The following FHIT variants were observed in gnomAD, a reference collection of about 807,000 sequenced individuals.
FHIT encodes the protein fragile histidine triad diadenosine triphosphatase.
FHIT carries 19 observed loss-of-function variants against 17.9 expected under a neutral mutation model. That is an observed-to-expected ratio of 1.06 (90% CI 0.74 to 1.56). The LOEUF (loss-of-function observed/expected upper bound fraction) is 1.56. FHIT is among the 40% of genes most tolerant of loss of function. FHIT has a pLI of 0.00. For missense variants in FHIT, 248 were observed against 189.2 expected, an observed-to-expected ratio of 1.31 and a Z score of -1.82; for synonymous variants, 81 against 69.7, an observed-to-expected ratio of 1.16 and a Z score of -0.81.
intron 7 of FHIT, among the ~76,000 whole-genome samples, chr3:60,000,014 T>A (rs942064822): frequency 1.3e-5 from 2 of 152,186 alleles, no homozygotes; most frequent in African/African-American, 4.8e-5. Flanking sequence ...CTCTGCCATG[T>A]CAGCCTCAGC....
intron 5 of FHIT, among the ~76,000 whole-genome samples, chr3:60,419,271 C>T (rs13059601): frequency 0.14 from 20,642 of 152,208 alleles, 2,143 homozygotes; most frequent in Admixed American, 0.25. Flanking sequence ...ATAGCACATG[C>T]CTTAGCAAGT....
intron 3 of FHIT, among the ~76,000 whole-genome samples, chr3:61,018,287 G>C (rs2032223506): frequency 6.6e-6 from 1 of 152,158 alleles, no homozygotes; most frequent in African/African-American, 2.4e-5. Context: ...CAAGGAAAAA[G>C]AAAGAGTTTT....
rs143425592 is a variant in FHIT, at chr3:60,824,364, G to A, written c.-110-2353C>T. 1.6e-4 allele frequency among the ~76,000 whole-genome samples: 25 copies of A among 152,184 alleles called. No individual in the cohort carries two copies. In the East Asian group the frequency reaches 2.5e-3, roughly 15 times the overall value. ...AGTACATAGAATTAAATTAGAAACC[G>A]TAACAACTTAACTGTACTGATCATC... On this transcript the variant is annotated intron_variant, in intron 3 of 9. Coordinates refer to ENST00000492590, the MANE Select transcript of FHIT (RefSeq NM_002012.4).
intron 5 of FHIT, among the ~76,000 whole-genome samples, chr3:60,315,492 A>G (rs1709124080): frequency 6.6e-6 from 1 of 152,182 alleles, no homozygotes; most frequent in South Asian, 2.1e-4. Context: ...CCTAGCTTCT[A>G]TTATGATAGA....
intron 2 of FHIT, among the ~76,000 whole-genome samples, chr3:61,051,027 AC>A (rs1466553176): frequency 1.3e-5 from 2 of 152,228 alleles, no homozygotes; most frequent in African/African-American, 4.8e-5. Flanking sequence ...CAGACAAACA[AC>A]AGTTGTCCCA....
chr3:60,632,484 C>T (rs2039471260), intron 4 of FHIT, among the ~76,000 whole-genome samples: 1 of 152,112 alleles, frequency 6.6e-6, no homozygotes, highest in South Asian at 2.1e-4. Context: ...GAGAGCGCGT[C>T]TTCTCCAAAT....
At chr3:59,987,760 C>T (rs1402835990) in intron 7 of FHIT, among the ~76,000 whole-genome samples, 1 of 151,866 alleles carries the variant, frequency 6.6e-6, no homozygotes. Context: ...AGGAGAAATT[C>T]ACATTAGGCA....
intron 7 of FHIT, among the ~76,000 whole-genome samples, chr3:59,999,173 CTCCCTGGGAGAG>C (rs1699631369): frequency 6.6e-6 from 1 of 152,110 alleles, no homozygotes; most frequent in South Asian, 2.1e-4. Flanking sequence ...TTAGCACTCC[CTCCCTGGGAGAG>C]AGAGCCCTGC....
At chr3:60,519,767 G>A (rs942644310) in intron 5 of FHIT, among the ~76,000 whole-genome samples, 29 of 151,990 alleles carry the variant, frequency 1.9e-4, no homozygotes, top group Non-Finnish European at 3.8e-4. Flanking sequence ...CTGCTTCTTG[G>A]GAGCACGTCC....
chr3:60,441,895 G>A (rs1281764707), intron 5 of FHIT, among the ~76,000 whole-genome samples: 1 of 142,208 alleles, frequency 7.0e-6, no homozygotes, highest in Non-Finnish European at 1.5e-5. Context: ...GACTCGCTCT[G>A]TCACCCAGGC....
intron 3 of FHIT, among the ~76,000 whole-genome samples, chr3:60,913,350 T>G (rs1210444683): frequency 6.6e-6 from 1 of 152,242 alleles, no homozygotes; most frequent in Non-Finnish European, 1.5e-5. Context: ...ATGGATGGGC[T>G]TGCCTGTTTT....
intron 5 of FHIT, among the ~76,000 whole-genome samples, chr3:60,472,073 G>A (rs1012853016): frequency 9.2e-5 from 14 of 151,548 alleles, no homozygotes; most frequent in Admixed American, 1.3e-4. Context: ...CAAGTGATGG[G>A]TACACTTAAA....
chr3:60,679,130 A>G (rs975221018), intron 4 of FHIT, among the ~76,000 whole-genome samples: 1 of 152,160 alleles, frequency 6.6e-6, no homozygotes, highest in Non-Finnish European at 1.5e-5. Context: ...CACAGTTCCT[A>G]CATGGCTTAG....
At chr3:60,868,402 T>C (rs1001812672) in intron 3 of FHIT, among the ~76,000 whole-genome samples, 13 of 152,250 alleles carry the variant, frequency 8.5e-5, no homozygotes, top group African/African-American at 3.1e-4. Context: ...TCCTGCTTGA[T>C]AGATTCCCCT....
chr3:59,780,662 C>T (rs1428368175), intron 8 of FHIT, among the ~76,000 whole-genome samples: 1 of 152,124 alleles, frequency 6.6e-6, no homozygotes, highest in Non-Finnish European at 1.5e-5. Context: ...TGGATTTGTG[C>T]CCTTATAAGG....
At chr3:60,972,077 T>C (rs962953265) in intron 3 of FHIT, among the ~76,000 whole-genome samples, 1 of 152,182 alleles carries the variant, frequency 6.6e-6, no homozygotes, top group Non-Finnish European at 1.5e-5. Context: ...AGTGCTTAAA[T>C]TGTTCTATCT....
intron 4 of FHIT, among the ~76,000 whole-genome samples, chr3:60,785,897 ACACACACACAC>A (rs782820977): frequency 0.28 from 36,965 of 133,494 alleles, 4,946 homozygotes; most frequent in Non-Finnish European, 0.33. Context: ...CAAACAGAAG[ACACACACACAC>A]ACACACACAC....
chr3:60,632,678 A>T (rs1335261269), intron 4 of FHIT, among the ~76,000 whole-genome samples: 1 of 152,194 alleles, frequency 6.6e-6, no homozygotes, highest in Non-Finnish European at 1.5e-5. Flanking sequence ...TCCAAAAATC[A>T]TGGGAAGGAC....
intron 2 of FHIT, among the ~76,000 whole-genome samples, chr3:61,175,505 G>A (rs1324037431): frequency 2.6e-5 from 4 of 152,052 alleles, no homozygotes; most frequent in Non-Finnish European, 5.9e-5. Context: ...TTGAATGATG[G>A]TGTCCCTTCC....
Sources: gnomAD v4.1 joint callset for allele counts (sites outside exome capture counted in the v4.1 genomes callset) on GRCh38, gnomAD v4.1.1 for gene constraint, MANE v1.5 for transcripts, NCBI Gene and HGNC (gene_info 2026-07-23, HGNC 2026-07-21) for gene names.